MTUS2: variants seen among roughly 807,000 people sequenced by gnomAD.
MTUS2 encodes microtubule-associated tumor suppressor candidate 2.
A neutral mutation model predicts 114.1 loss-of-function variants in MTUS2; 40 were observed. The observed-to-expected ratio is 0.35, with a 90% confidence interval of 0.27 to 0.46. The LOEUF (loss-of-function observed/expected upper bound fraction) is 0.46. Ranked by LOEUF, MTUS2 falls within the 20% of genes least tolerant of loss-of-function variation. The probability of loss-of-function intolerance (pLI) is 1.00; values close to 1 mark genes in which losing one functional copy is unlikely to be tolerated. For missense variants in MTUS2, 1,679 were observed against 1,705.4 expected, an observed-to-expected ratio of 0.98 and a Z score of 0.27; for synonymous variants, 688 against 672.0, an observed-to-expected ratio of 1.02 and a Z score of -0.37.
intron 4 of MTUS2, among the ~76,000 whole-genome samples, chr13:29,053,134 T>C (rs1887978056): frequency 6.6e-6 from 1 of 152,218 alleles, no homozygotes; most frequent in South Asian, 2.1e-4. Flanking sequence ...AATACAATGA[T>C]AATGATACTA....
chr13:29,234,946 T>C (rs1351076539), intron 5 of MTUS2, among the ~76,000 whole-genome samples: 2 of 152,184 alleles, frequency 1.3e-5, no homozygotes, highest in African/African-American at 2.4e-5. Context: ...GGATTTTTAA[T>C]GTTCTTTCTT....
chr13:29,094,886 A>G (rs1890113472), intron 4 of MTUS2, among the ~76,000 whole-genome samples: 1 of 151,876 alleles, frequency 6.6e-6, no homozygotes, highest in Admixed American at 6.6e-5. Flanking sequence ...ATTCATTTTT[A>G]TTCATCTTAG....
At chr13:29,192,013 A>G (rs2139197737) in intron 5 of MTUS2, among the ~76,000 whole-genome samples, 1 of 152,344 alleles carries the variant, frequency 6.6e-6, no homozygotes, top group East Asian at 1.9e-4. Flanking sequence ...TGAACAGTAT[A>G]GAAGTCCGTA....
chr13:29,404,038 C>T (rs1874557873), intron 8 of MTUS2, among the ~76,000 whole-genome samples: 1 of 151,960 alleles, frequency 6.6e-6, no homozygotes, highest in Non-Finnish European at 1.5e-5. Context: ...TTATTTACTA[C>T]ATCCATCTAC....
intron 2 of MTUS2, among the ~76,000 whole-genome samples, chr13:28,850,787 CATG>C (rs1876217944): frequency 1.3e-5 from 2 of 152,150 alleles, no homozygotes. Context: ...ATTAAAATCT[CATG>C]GTGGGTATAA....
At chr13:28,847,259 G>GT (rs962637201) in intron 2 of MTUS2, among the ~76,000 whole-genome samples, 101 of 151,404 alleles carry the variant, frequency 6.7e-4, no homozygotes, top group African/African-American at 2.2e-3. Context: ...ATCACTTGAG[G>GT]TTTTTTTTTG....
At position 29,450,358 on chromosome 13, in the gene MTUS2, G is replaced by C. The variant is rs545534880; in HGVS notation, c.3184+10309G>C. Among the ~76,000 whole-genome samples, 6 of 152,268 alleles carry C rather than the reference G, an allele frequency of 3.9e-5. No homozygotes were observed. The East Asian group carries it at 1.2e-3, about 29-fold the overall frequency. ...CCTCAATTGCCTCAACACTTAGATG[G>C]GGATAGTAGTCCTGTCGTATGTAAG... On this transcript the variant is annotated intron_variant, in intron 9 of 15. Transcript: ENST00000612955.
chr13:29,031,237 G>GGTTGTGTGTGTGTGTGTGT lies in MTUS2; in HGVS notation c.2206-2646_2206-2645insTGTGTGTGTGTGTGTGTGT, dbSNP rs1555287204. On this transcript the variant is annotated intron_variant, in intron 3 of 15. Transcript: ENST00000612955. ...GTTTGCCAGACAAATAGAACTAATA[G>GGTTGTGTGTGTGTGTGTGT]GTGTGTGTGTGTGTGTGTGTGTGTG... 4.9e-5 allele frequency among the ~76,000 whole-genome samples: 6 copies of GGTTGTGTGTGTGTGTGTGT among 122,964 alleles called. No homozygotes were observed. In the East Asian group the frequency reaches 6.9e-4, roughly 14 times the overall value. The allele number at this position is 122,964 out of a possible 152,430, so 80.7% of individuals were successfully genotyped here.
chr13:29,110,881 G>T (rs1344459004), intron 5 of MTUS2, among the ~76,000 whole-genome samples: 1 of 152,150 alleles, frequency 6.6e-6, no homozygotes, highest in Non-Finnish European at 1.5e-5. Flanking sequence ...GATACCTGGA[G>T]CTATGGAAAT....
At chr13:29,416,398 A>G (rs1252834475) in intron 8 of MTUS2, among the ~76,000 whole-genome samples, 1 of 151,348 alleles carries the variant, frequency 6.6e-6, no homozygotes, top group Non-Finnish European at 1.5e-5. Flanking sequence ...CTTCAATTTG[A>G]CTTTTTGTCT....
chr13:29,050,032 G>T (rs921831032), intron 4 of MTUS2, among the ~76,000 whole-genome samples: 2 of 152,066 alleles, frequency 1.3e-5, no homozygotes, highest in Non-Finnish European at 2.9e-5. Context: ...TGAACCTCAT[G>T]CAAACAGCTG....
intron 9 of MTUS2, among the ~76,000 whole-genome samples, chr13:29,449,904 C>T (rs1878568034): frequency 6.6e-6 from 1 of 152,190 alleles, no homozygotes; most frequent in East Asian, 1.9e-4. Context: ...GGCAGCTGTT[C>T]ATTTCTCTCT....
intron 8 of MTUS2, among the ~76,000 whole-genome samples, chr13:29,389,689 A>G (rs139616314): frequency 4.3e-5 from 6 of 140,494 alleles, no homozygotes; most frequent in African/African-American, 1.1e-4. Context: ...ATATGTATGT[A>G]TATATGTGTA....
intron 8 of MTUS2, among the ~76,000 whole-genome samples, chr13:29,412,931 C>T (rs942443683): frequency 6.6e-6 from 1 of 152,156 alleles, no homozygotes; most frequent in Non-Finnish European, 1.5e-5. Context: ...TCACAGGCTA[C>T]CCATATTCCT....
In MTUS2 at chr13:29,457,430, A is replaced by G. The variant is rs917846168; in HGVS notation, c.3184+17381A>G. Reference sequence around the variant, plus strand: ...CTGTGTCTGGCTGCTATTGCTCCACATAAGAGATTAATCCACAGTGCTGAG... The same window carrying G: ...CTGTGTCTGGCTGCTATTGCTCCACGTAAGAGATTAATCCACAGTGCTGAG... On this transcript the variant is annotated intron_variant, in intron 9 of 15. Coordinates refer to ENST00000612955, the MANE Select transcript of MTUS2 (RefSeq NM_001033602.4). Among the ~76,000 whole-genome samples the G allele has an allele frequency of 4.6e-5, 7 of 152,076 alleles. 1 individual carries two copies. Among genetic ancestry groups the G allele is most frequent in the African/African-American group, 7.3e-5 (3 of 41,374 alleles).
At chr13:29,475,736 T>C (rs1880653544) in intron 9 of MTUS2, among the ~76,000 whole-genome samples, 1 of 152,236 alleles carries the variant, frequency 6.6e-6, no homozygotes. Context: ...TGAACAGCTT[T>C]ACAGTGTATG....
At chr13:28,964,699 A>AGT (rs1883495265) in intron 2 of MTUS2, among the ~76,000 whole-genome samples, 1 of 150,714 alleles carries the variant, frequency 6.6e-6, no homozygotes, top group African/African-American at 2.4e-5. Flanking sequence ...GAACTGGGTC[A>AGT]GTGTTTCAGT....
At chr13:28,938,535 A>AT (rs1254246297) in intron 2 of MTUS2, among the ~76,000 whole-genome samples, 4 of 149,078 alleles carry the variant, frequency 2.7e-5, no homozygotes, top group African/African-American at 1.0e-4. Context: ...AGAAGGTTAG[A>AT]TTTTTTAGGG....
intron 2 of MTUS2, among the ~76,000 whole-genome samples, chr13:28,951,987 G>T (rs1882832576): frequency 6.6e-6 from 1 of 152,074 alleles, no homozygotes; most frequent in Non-Finnish European, 1.5e-5. Context: ...CCTGTGTGCA[G>T]CATGCCCGCA....
Sources: allele counts gnomAD v4.1 joint callset (sites outside exome capture counted in the v4.1 genomes callset), GRCh38; gene constraint gnomAD v4.1.1; transcripts MANE v1.5; gene names NCBI Gene and HGNC (gene_info 2026-07-23, HGNC 2026-07-21).